SEC23IP: variants seen among roughly 807,000 people sequenced by gnomAD.
SEC23IP encodes SEC23-interacting protein.
SEC23IP carries 70 observed loss-of-function variants against 113.4 expected under a neutral mutation model. The observed-to-expected ratio is 0.62, with a 90% CI of 0.51 to 0.75. The LOEUF is 0.75. Ranked by LOEUF, SEC23IP falls within the 30% of genes least tolerant of loss-of-function variation. The pLI, the probability that SEC23IP is intolerant of heterozygous loss-of-function variation, is 0.00. For synonymous variants in SEC23IP, 398 were observed against 421.0 expected, an observed-to-expected ratio of 0.95 and a Z score of 0.67; for missense variants, 1,160 against 1,204.9, an observed-to-expected ratio of 0.96 and a Z score of 0.55.
In SEC23IP at chr10:119,936,539, G is replaced by A. The variant is rs768845497; in HGVS notation, c.*20+2752G>A. Among the ~76,000 whole-genome samples the A allele has an allele frequency of 2.0e-3, 158 of 78,218 alleles. 1 individual carries two copies. Among genetic ancestry groups the A allele is most frequent in the Middle Eastern group, 0.019 (2 of 106 alleles). The allele number at this position is 78,218 out of a possible 152,430, so 51.3% of individuals were successfully genotyped here. On this transcript the variant is annotated intron_variant, in intron 18 of 18. Transcript: ENST00000369075. ...AGCCTGGGCAACAGCATGCGATTCC[G>A]TCTCAAAAAAAAAAAAAAAAAAAAA... is the stretch of plus-strand genomic sequence containing the variant.
chr10:119,915,707 A>G, intron 7 of SEC23IP, 41 bp from the exon 8 acceptor site: 1 of 1,432,090 alleles, frequency 7.0e-7, no homozygotes, highest in South Asian at 1.6e-5. Context: ...TCAAGCTAGG[A>G]GAATTTAATT....
At chr10:119,921,989 A>C (rs1855263825) in intron 12 of SEC23IP, among the ~76,000 whole-genome samples, 1 of 151,654 alleles carries the variant, frequency 6.6e-6, no homozygotes, top group South Asian at 2.1e-4. Flanking sequence ...TCAGCATTTT[A>C]TTGAATAGCA....
intron 4 of SEC23IP, among the ~76,000 whole-genome samples, chr10:119,906,317 A>G (rs1466332054): frequency 1.3e-5 from 2 of 150,294 alleles, no homozygotes; most frequent in Non-Finnish European, 3.0e-5. Context: ...GGAGCTAAAC[A>G]TTATGTTCAT....
At chr10:119,924,259 A>G (rs1855346667) in intron 12 of SEC23IP, among the ~76,000 whole-genome samples, 1 of 152,158 alleles carries the variant, frequency 6.6e-6, no homozygotes, top group Non-Finnish European at 1.5e-5. Flanking sequence ...TTGTTTAGGC[A>G]CTGTCGATAG....
intron 6 of SEC23IP, among the ~76,000 whole-genome samples, chr10:119,912,847 G>A (rs1310202038): frequency 6.6e-6 from 1 of 151,814 alleles, no homozygotes; most frequent in Non-Finnish European, 1.5e-5. Flanking sequence ...CACCACGTTG[G>A]CCAGGCTGGT....
chr10:119,921,508 A>G (rs1855249765), intron 12 of SEC23IP, among the ~76,000 whole-genome samples: 1 of 152,180 alleles, frequency 6.6e-6, no homozygotes, highest in Admixed American at 6.6e-5. Context: ...TACCTTCCTT[A>G]CAGGATTGGA....
chr10:119,894,138 A>G (rs1854193398), intron 1 of SEC23IP, among the ~76,000 whole-genome samples: 1 of 152,204 alleles, frequency 6.6e-6, no homozygotes, highest in Non-Finnish European at 1.5e-5. Flanking sequence ...AGCGCTAAGT[A>G]TAGTGCGTGC....
chr10:119,943,369 G>T lies in SEC23IP; in HGVS notation c.*2804G>T, dbSNP rs1856008044. ...CTGCGGTGCACGGGACAGACTGTCA[G>T]CTAACCTGTCTTCATGACATTTCTA... On this transcript the variant is annotated 3_prime_UTR_variant, in exon 19 of 19. Transcript: ENST00000369075. 6.6e-6 allele frequency: 1 copy of T among 152,184 alleles called. No individual in the cohort carries two copies. Among genetic ancestry groups the T allele is most frequent in the African/African-American group, 2.4e-5 (1 of 41,442 alleles). The allele number at this position is 152,184 out of a possible 1,614,324, so 9.4% of individuals were successfully genotyped here.
chr10:119,912,681 G>A (rs1854906622), intron 6 of SEC23IP, among the ~76,000 whole-genome samples: 1 of 146,530 alleles, frequency 6.8e-6, no homozygotes, highest in African/African-American at 2.5e-5. Context: ...CACTCTGTTG[G>A]CCAGGCTGGA....
chr10:119,926,250 G>A, intron 13 of SEC23IP, 23 bp downstream of exon 13: 1 of 1,590,986 alleles, frequency 6.3e-7, no homozygotes, highest in South Asian at 1.1e-5. Context: ...ATTGACTGGG[G>A]CTACATAGTT....
In SEC23IP at chr10:119,898,946, G is replaced by A. The variant is rs751027884; in HGVS notation, c.683G>A (p.Gly228Glu). The change falls in exon 2 of 19, where the codon GGA (glycine) becomes GAA (glutamate). Residue 228 changes from glycine (G) to glutamate (E), a missense_variant. Gly to Glu is a moderately conservative substitution (Grantham distance 98, BLOSUM62 -2). Coordinates refer to ENST00000369075, the MANE Select transcript of SEC23IP (RefSeq NM_007190.4). ...GTTCAGATGTACCAGATGCCTCCAG[G>A]ATCTTTGCCACCGGTATGGAGACAT... ...PPVQMYQMPPGSLPPVPSSVQ... is the reference protein window; with the variant it reads ...PPVQMYQMPPESLPPVPSSVQ... The A allele has an allele frequency of 2.5e-6, 4 of 1,586,336 alleles. No individual in the cohort carries two copies. The South Asian group carries it at 3.4e-5, about 13-fold the overall frequency.
intron 2 of SEC23IP, among the ~76,000 whole-genome samples, chr10:119,901,337 ATT>A (rs538401505): frequency 6.9e-6 from 1 of 144,676 alleles, no homozygotes; most frequent in Non-Finnish European, 1.5e-5. Context: ...TTATTTACTT[ATT>A]TTTTTTTTTA....
At chr10:119,915,538 T>C (rs1855021943) in intron 7 of SEC23IP, among the ~76,000 whole-genome samples, 1 of 152,182 alleles carries the variant, frequency 6.6e-6, no homozygotes, top group South Asian at 2.1e-4. Context: ...ATCTATTCCT[T>C]TGCAATAATG....
At chr10:119,911,674 C>T (rs1375768094) in intron 5 of SEC23IP, among the ~76,000 whole-genome samples, 3 of 151,994 alleles carry the variant, frequency 2.0e-5, no homozygotes, top group Admixed American at 6.6e-5. Context: ...TGGGTCTCAC[C>T]ATATTGCTCA....
In SEC23IP at chr10:119,898,590, A is replaced by C; in HGVS notation, c.327A>C (p.Gly109=). The C allele has an allele frequency of 3.1e-6, 5 of 1,614,214 alleles. No homozygotes were observed. The highest frequency in any genetic ancestry group is 4.2e-6 in the Non-Finnish European group (5 of 1,180,014). Residue 109 remains glycine, a synonymous_variant, in exon 2 of 19, where the codon GGA becomes GGC. Coordinates refer to ENST00000369075, the MANE Select transcript of SEC23IP (RefSeq NM_007190.4). ...TAACAACTGCAGCAACCTCAGTTGG[A>C]CAATCAGGATTCCCCAAGCCCCTGA... ...SPLTTAATSV[G]QSGFPKPLTA...
At chr10:119,933,873 T>A (rs1013621966) in intron 18 of SEC23IP, 86 bp downstream of exon 18, 12 of 585,746 alleles carry the variant, frequency 2.0e-5, no homozygotes, top group Admixed American at 1.0e-4. Context: ...CTGATTTTGC[T>A]TTTTTCTGTT....
chr10:119,907,749 G>A (rs1370703417), intron 4 of SEC23IP, among the ~76,000 whole-genome samples: 5 of 152,154 alleles, frequency 3.3e-5, no homozygotes, highest in Admixed American at 6.5e-5. Flanking sequence ...TCAGGAGTTC[G>A]AGACCAGCGT....
At position 119,926,923 on chromosome 10, in the gene SEC23IP, G is replaced by C. The variant is rs974975244; in HGVS notation, c.2313+696G>C. 2.0e-5 allele frequency among the ~76,000 whole-genome samples: 3 copies of C among 152,176 alleles called. No individual in the cohort carries two copies. In the East Asian group the frequency reaches 5.8e-4, roughly 29 times the overall value. ...CTTTTTGGAGACAGAGTCTTGCTCT[G>C]TTGCACAGGCTGGAGTGCAGTGATG... On this transcript the variant is annotated intron_variant, in intron 13 of 18. Coordinates refer to ENST00000369075, the MANE Select transcript of SEC23IP (RefSeq NM_007190.4).
At chr10:119,895,460 A>T (rs1485750730) in intron 1 of SEC23IP, among the ~76,000 whole-genome samples, 1 of 152,356 alleles carries the variant, frequency 6.6e-6, no homozygotes, top group East Asian at 1.9e-4. Flanking sequence ...AAGAGCAGAC[A>T]GCCCTGCCCT....
Sources: gnomAD v4.1 joint callset for allele counts (sites outside exome capture counted in the v4.1 genomes callset) on GRCh38, gnomAD v4.1.1 for gene constraint, MANE v1.5 for transcripts, NCBI Gene and HGNC (gene_info 2026-07-23, HGNC 2026-07-21) for gene names.